CCDC141: variants seen among roughly 807,000 people sequenced by gnomAD.
The protein encoded by CCDC141 is coiled-coil domain-containing protein 141.
In CCDC141, 168 loss-of-function variants were observed where a neutral mutation model predicts 181.0. That is an observed-to-expected ratio of 0.93 (90% CI 0.82 to 1.05). The LOEUF (loss-of-function observed/expected upper bound fraction) is 1.05. Ranked by LOEUF, CCDC141 falls within the 50% of genes least tolerant of loss-of-function variation. The pLI is 0.00. For synonymous variants in CCDC141, 666 were observed against 642.3 expected (o/e 1.04, Z -0.56); for missense variants, 1,902 against 1,788.5 (o/e 1.06, Z -1.14).
intron 2 of CCDC141, among the ~76,000 whole-genome samples, chr2:179,029,854 T>A (rs2042954509): frequency 6.6e-6 from 1 of 152,174 alleles, no homozygotes; most frequent in Non-Finnish European, 1.5e-5. Flanking sequence ...TAGAAAGTTT[T>A]CTGTTCTTGG....
intron 2 of CCDC141, among the ~76,000 whole-genome samples, chr2:179,007,304 A>T (rs182090815): frequency 2.3e-3 from 357 of 152,320 alleles, no homozygotes; most frequent in Admixed American, 4.3e-3. Context: ...CCTTCTTCTA[A>T]CTTGGTCTCC....
At chr2:178,875,474 A>C (rs1393104746) in intron 12 of CCDC141, 1 of 152,090 alleles carries the variant, frequency 6.6e-6, no homozygotes, top group African/African-American at 2.4e-5. Context: ...CTGAGGCATG[A>C]GAATTGCTTG....
At chr2:178,938,779 G>T (rs143174663) in intron 6 of CCDC141, among the ~76,000 whole-genome samples, 4 of 151,982 alleles carry the variant, frequency 2.6e-5, no homozygotes, top group Non-Finnish European at 5.9e-5. Flanking sequence ...AGTGGGGCTC[G>T]CAGGGATGTA....
At chr2:179,025,843 G>A (rs770228125) in intron 2 of CCDC141, among the ~76,000 whole-genome samples, 2 of 152,182 alleles carry the variant, frequency 1.3e-5, no homozygotes, top group African/African-American at 2.4e-5. Flanking sequence ...TCCAGGCTGA[G>A]GTGGTCTCAA....
chr2:178,889,114 G>A (rs1377068761), intron 8 of CCDC141, among the ~76,000 whole-genome samples: 1 of 151,928 alleles, frequency 6.6e-6, no homozygotes, highest in Admixed American at 6.6e-5. Flanking sequence ...TAACACTAAG[G>A]TCCTTGTTCT....
chr2:179,016,144 A>G (rs1192036509), intron 2 of CCDC141, among the ~76,000 whole-genome samples: 2 of 148,502 alleles, frequency 1.3e-5, no homozygotes, highest in Non-Finnish European at 3.0e-5. Flanking sequence ...GAGCTAAGCT[A>G]TGAGGACACA....
intron 7 of CCDC141, among the ~76,000 whole-genome samples, chr2:178,909,089 T>C (rs1688108803): frequency 6.6e-6 from 1 of 152,180 alleles, no homozygotes; most frequent in Admixed American, 6.5e-5. Context: ...TTATTGGAAT[T>C]AGATGCCAAA....
intron 2 of CCDC141, among the ~76,000 whole-genome samples, chr2:179,010,629 C>G (rs1415517161): frequency 6.6e-6 from 1 of 152,146 alleles, no homozygotes; most frequent in African/African-American, 2.4e-5. Flanking sequence ...CAAGCCACCA[C>G]TACAGGAACT....
At chr2:178,927,546 C>T (rs1481701556) in intron 6 of CCDC141, among the ~76,000 whole-genome samples, 1 of 151,952 alleles carries the variant, frequency 6.6e-6, no homozygotes, top group African/African-American at 2.4e-5. Context: ...TCGGTGTTAT[C>T]AAGAGAATGT....
intron 2 of CCDC141, among the ~76,000 whole-genome samples, chr2:179,025,126 C>CT (rs1215673044): frequency 2.0e-5 from 3 of 151,216 alleles, no homozygotes; most frequent in Non-Finnish European, 4.4e-5. Flanking sequence ...TTAACTTCTA[C>CT]TTTAAGATCA....
intron 17 of CCDC141, among the ~76,000 whole-genome samples, chr2:178,864,045 T>C (rs951418501): frequency 1.3e-5 from 2 of 152,158 alleles, no homozygotes; most frequent in African/African-American, 2.4e-5. Flanking sequence ...CCCAGCTTCA[T>C]AAATGTCACA....
Position 179,032,600 on chromosome 2 carries a change from G to C in CCDC141, c.225+14684C>G, listed in dbSNP as rs562024845. Among the ~76,000 whole-genome samples the C allele has an allele frequency of 6.6e-5, 10 of 152,180 alleles. No homozygotes were observed. The South Asian group carries it at 2.1e-3, about 32-fold the overall frequency. ...AGCAAGGACATATGAAAACACTGCT[G>C]GTTTGGTGGTATTTGGATTTCTAAT... On this transcript the variant is annotated intron_variant, in intron 2 of 23. Transcript: ENST00000443758.
chr2:178,940,203 G>T, intron 6 of CCDC141, among the ~76,000 whole-genome samples: 1 of 151,102 alleles, frequency 6.6e-6, no homozygotes. Flanking sequence ...TGCTCTATAA[G>T]ATCAGAGATT....
rs527803918 is a variant in CCDC141, at chr2:178,833,491, T to G, written c.*682A>C. The G allele has an allele frequency of 2.6e-5, 4 of 152,400 alleles. No individual in the cohort carries two copies. Among genetic ancestry groups the G allele is most frequent in the Non-Finnish European group, 5.9e-5 (4 of 68,066 alleles). 9.4% of individuals were successfully genotyped at this position (152,400 alleles called of 1,614,324 possible). On this transcript the variant is annotated 3_prime_UTR_variant, in exon 24 of 24. Transcript: ENST00000443758. ...AATGTCAGGAATAACGTTGGTTCTT[T>G]CTTGCAACCTGTGTTCCATCTTGCT...
At chr2:179,043,092 A>G (rs1304724094) in intron 2 of CCDC141, among the ~76,000 whole-genome samples, 1 of 152,132 alleles carries the variant, frequency 6.6e-6, no homozygotes, top group Non-Finnish European at 1.5e-5. Context: ...TACTATAAAC[A>G]CCTCTATGCA....
chr2:178,929,362 C>A (rs1157627800), intron 6 of CCDC141, among the ~76,000 whole-genome samples: 1 of 151,992 alleles, frequency 6.6e-6, no homozygotes. Flanking sequence ...ATAAATGCAG[C>A]AATGAGAAGA....
intron 7 of CCDC141, among the ~76,000 whole-genome samples, chr2:178,906,932 C>T (rs964632201): frequency 3.3e-5 from 5 of 152,146 alleles, no homozygotes; most frequent in African/African-American, 1.2e-4. Flanking sequence ...AGAATTGGAA[C>T]TGGACAAAAT....
chr2:178,983,668 G>A (rs1196423973), intron 2 of CCDC141, among the ~76,000 whole-genome samples: 1 of 151,084 alleles, frequency 6.6e-6, no homozygotes, highest in Non-Finnish European at 1.5e-5. Context: ...CGTGAAGAAT[G>A]CAGAAGCCTC....
chr2:178,891,090 C>T lies in CCDC141; in HGVS notation c.1266-2422G>A, dbSNP rs138183122. On this transcript the variant is annotated intron_variant, in intron 8 of 23. Transcript: ENST00000443758. ...CAAGTCTCTTTGCTACCTGAATAGA[C>T]TTATATACTTAATAATTTTATTAAA... is the stretch of plus-strand genomic sequence containing the variant. Among the ~76,000 whole-genome samples, 13 of 152,204 alleles carry T rather than the reference C, an allele frequency of 8.5e-5. 1 individual carries two copies. The highest frequency in any genetic ancestry group is 2.9e-4 in the African/African-American group (12 of 41,528).
Sources: gnomAD v4.1 joint callset for allele counts (sites outside exome capture counted in the v4.1 genomes callset) on GRCh38, gnomAD v4.1.1 for gene constraint, MANE v1.5 for transcripts, NCBI Gene and HGNC (gene_info 2026-07-23, HGNC 2026-07-21) for gene names.